TBC1D32: variants seen among roughly 807,000 people sequenced by gnomAD.
TBC1D32 encodes the protein protein broad-minded.
In TBC1D32, 151 loss-of-function variants were observed where a neutral mutation model predicts 170.3. The ratio of observed to expected loss-of-function variants is 0.89; its 90% CI spans 0.78 to 1.01. TBC1D32 has a LOEUF of 1.01. Among genes scored for constraint, TBC1D32 ranks in the 50% least tolerant of loss-of-function variants. The pLI is 0.00. For synonymous variants in TBC1D32, 498 were observed against 488.0 expected, an observed-to-expected ratio of 1.02 and a Z score of -0.27; for missense variants, 1,464 against 1,457.1, an observed-to-expected ratio of 1.00 and a Z score of -0.08.
intron 20 of TBC1D32, among the ~76,000 whole-genome samples, chr6:121,235,368 AG>A (rs1342467052): frequency 1.3e-5 from 2 of 151,998 alleles, no homozygotes; most frequent in Non-Finnish European, 2.9e-5. Flanking sequence ...GACCACCAGG[AG>A]GGGGCAGGGA....
intron 11 of TBC1D32, among the ~76,000 whole-genome samples, chr6:121,293,751 A>G (rs1450202528): frequency 6.6e-6 from 1 of 151,998 alleles, no homozygotes; most frequent in Non-Finnish European, 1.5e-5. Flanking sequence ...CTCTACTAAA[A>G]ATACAAAAAC....
At chr6:121,301,497 T>C (rs534366838) in intron 9 of TBC1D32, among the ~76,000 whole-genome samples, 19 of 151,756 alleles carry the variant, frequency 1.3e-4, no homozygotes, top group East Asian at 3.9e-4. Flanking sequence ...TGAAAACACA[T>C]GGACACAGGG....
rs78387119 is a variant in TBC1D32, at chr6:121,106,644, T to C, written c.3325-481A>G. Among the ~76,000 whole-genome samples the C allele has an allele frequency of 1.1e-3, 174 of 152,184 alleles. 1 individual carries two copies. The highest frequency in any genetic ancestry group is 7.7e-3 in the Admixed American group (118 of 15,254). On this transcript the variant is annotated intron_variant, in intron 29 of 31. Coordinates refer to ENST00000398212, the MANE Select transcript of TBC1D32 (RefSeq NM_152730.6). ...TGCATTGTACCCTTTACTATGTTGA[T>C]ATTAGCCTAAATCTGACCCTGAATT...
At chr6:121,212,153 C>T (rs1420086682) in intron 21 of TBC1D32, among the ~76,000 whole-genome samples, 1 of 151,924 alleles carries the variant, frequency 6.6e-6, no homozygotes, top group East Asian at 1.9e-4. Flanking sequence ...GACACATATG[C>T]CCCCCCAAGA....
intron 17 of TBC1D32, among the ~76,000 whole-genome samples, chr6:121,247,986 A>C (rs1422403406): frequency 1.3e-5 from 2 of 151,946 alleles, no homozygotes; most frequent in African/African-American, 4.8e-5. Flanking sequence ...GATATTTACA[A>C]AACATTCTAC....
chr6:121,085,482 T>A (rs1478490311), intron 31 of TBC1D32, among the ~76,000 whole-genome samples: 1 of 151,292 alleles, frequency 6.6e-6, no homozygotes. Flanking sequence ...AACTAGAAAC[T>A]CCTGGATGCA....
intron 9 of TBC1D32, among the ~76,000 whole-genome samples, chr6:121,301,739 A>T (rs2128476044): frequency 6.6e-6 from 1 of 151,952 alleles, no homozygotes; most frequent in African/African-American, 2.4e-5. Flanking sequence ...ACAAGTCAAA[A>T]CTTTTTCAGA....
rs191255773 is a variant in TBC1D32 at position 121,318,470 on chromosome 6, A to C, written c.318-798T>G. The stretch of plus-strand genomic sequence containing the variant: ...TATAGTCTAGCTCTTTATTTTACAA[A>C]TGAGGCATATGTGACCTGAACCACT... On this transcript the variant is annotated intron_variant, in intron 2 of 31. Coordinates refer to ENST00000398212, the MANE Select transcript of TBC1D32 (RefSeq NM_152730.6). 1.6e-3 allele frequency among the ~76,000 whole-genome samples: 238 copies of C among 152,212 alleles called. 1 individual carries two copies. The highest frequency in any genetic ancestry group is 2.8e-3 in the Non-Finnish European group (187 of 67,962).
intron 1 of TBC1D32, among the ~76,000 whole-genome samples, chr6:121,333,729 C>CG (rs1811493187): frequency 6.6e-6 from 1 of 152,078 alleles, no homozygotes; most frequent in African/African-American, 2.4e-5. Context: ...GGGTGAGGCG[C>CG]GGGGGAATGG....
intron 22 of TBC1D32, among the ~76,000 whole-genome samples, chr6:121,177,098 T>C (rs533408377): frequency 6.6e-6 from 1 of 152,126 alleles, no homozygotes; most frequent in Non-Finnish European, 1.5e-5. Context: ...TGAATAAGTG[T>C]AAGGAAATGA....
rs76039711 is a variant in TBC1D32, at chr6:121,254,864, A to T, written c.2018+464T>A. Reference sequence around the variant, plus strand: ...CTGATATCTGTAAAGAAACATGGAGACATATAAATTAAAATTTGATATAAA... The same window carrying T: ...CTGATATCTGTAAAGAAACATGGAGTCATATAAATTAAAATTTGATATAAA... On this transcript the variant is annotated intron_variant, in intron 17 of 31. Transcript: ENST00000398212. Among the ~76,000 whole-genome samples, 1,349 of 152,254 alleles carry T rather than the reference A, an allele frequency of 8.9e-3. 25 individuals carry two copies. The highest frequency in any genetic ancestry group is 0.031 in the African/African-American group (1,275 of 41,574).
intron 26 of TBC1D32, among the ~76,000 whole-genome samples, chr6:121,117,744 GTAT>G (rs936332914): frequency 6.6e-6 from 1 of 151,908 alleles, no homozygotes; most frequent in African/African-American, 2.4e-5. Flanking sequence ...TTTTAAATTT[GTAT>G]TATATTTGAT....
chr6:121,304,646 T>TA (rs1807043403), intron 6 of TBC1D32, 21 bp from the exon 7 acceptor site: 1 of 1,569,492 alleles, frequency 6.4e-7, no homozygotes. Flanking sequence ...AGGGAAAACA[T>TA]AAAATTACAT....
At chr6:121,137,736 GAGAGACTATACAGAAAGAACTT>G in intron 24 of TBC1D32, among the ~76,000 whole-genome samples, 1 of 151,986 alleles carries the variant, frequency 6.6e-6, no homozygotes, top group African/African-American at 2.4e-5. Context: ...GATGTAGAAA[GAGAGACTATACAGAAAGAACTT>G]CTGTATAGTT....
chr6:121,129,098 T>C (rs1163550600), intron 25 of TBC1D32, among the ~76,000 whole-genome samples: 3 of 152,138 alleles, frequency 2.0e-5, no homozygotes, highest in African/African-American at 7.2e-5. Context: ...CCTCCAGAAC[T>C]GTAAGAAATA....
intron 26 of TBC1D32, among the ~76,000 whole-genome samples, chr6:121,121,297 G>A (rs1324731955): frequency 6.6e-6 from 1 of 151,946 alleles, no homozygotes. Context: ...GGAACAACAG[G>A]AGCAAAAATT....
At chr6:121,283,144 C>A (rs185699680) in intron 13 of TBC1D32, among the ~76,000 whole-genome samples, 1 of 151,702 alleles carries the variant, frequency 6.6e-6, no homozygotes, top group African/African-American at 2.4e-5. Flanking sequence ...CCATTTTTTT[C>A]TTTGATTCAC....
At chr6:121,213,786 A>G (rs964398023) in intron 21 of TBC1D32, among the ~76,000 whole-genome samples, 3 of 152,202 alleles carry the variant, frequency 2.0e-5, no homozygotes, top group African/African-American at 4.8e-5. Flanking sequence ...AGAACTAGAA[A>G]AAAACTATTT....
At chr6:121,085,367 A>ATG (rs1164028328) in intron 31 of TBC1D32, among the ~76,000 whole-genome samples, 3,872 of 100,654 alleles carry the variant, frequency 0.038, 45 homozygotes, top group African/African-American at 0.084. Context: ...ATACATATAT[A>ATG]TATGTGTATA....
Sources: allele counts gnomAD v4.1 joint callset (sites outside exome capture counted in the v4.1 genomes callset), GRCh38; gene constraint gnomAD v4.1.1; transcripts MANE v1.5; gene names NCBI Gene and HGNC (gene_info 2026-07-23, HGNC 2026-07-21).